Variants in KANK4 observed in about 807,000 individuals in gnomAD.
KANK4 encodes the protein KN motif and ankyrin repeat domain-containing protein 4.
KANK4 carries 50 observed loss-of-function variants against 80.8 expected under a neutral mutation model. The observed-to-expected ratio is 0.62, with a 90% CI of 0.49 to 0.78. The LOEUF is 0.78. Among genes scored for constraint, KANK4 ranks in the 30% least tolerant of loss-of-function variants. The probability of loss-of-function intolerance (pLI) is 0.00; values close to 1 mark genes in which losing one functional copy is unlikely to be tolerated. For synonymous variants in KANK4, 465 were observed against 506.9 expected (o/e 0.92, Z 1.11); for missense variants, 1,196 against 1,240.1 (o/e 0.96, Z 0.53).
intron 2 of KANK4, among the ~76,000 whole-genome samples, chr1:62,280,746 C>T (rs189344713): frequency 1.5e-4 from 23 of 152,242 alleles, no homozygotes; most frequent in Middle Eastern, 3.4e-3. Flanking sequence ...CCATGCATTA[C>T]GTAATTTAGT....
chr1:62,303,376 T>C (rs558339021), intron 1 of KANK4, among the ~76,000 whole-genome samples: 44 of 151,968 alleles, frequency 2.9e-4, no homozygotes, highest in African/African-American at 9.2e-4. Flanking sequence ...AGGGGCGGTA[T>C]TTTCAACATC....
intron 1 of KANK4, among the ~76,000 whole-genome samples, chr1:62,290,264 C>T (rs571107001): frequency 9.2e-5 from 14 of 152,308 alleles, no homozygotes; most frequent in African/African-American, 3.4e-4. Flanking sequence ...TTCCAAACCC[C>T]TCCCTAGAGG....
At chr1:62,276,692 G>A (rs1262026493) in intron 2 of KANK4, among the ~76,000 whole-genome samples, 1 of 151,626 alleles carries the variant, frequency 6.6e-6, no homozygotes, top group Non-Finnish European at 1.5e-5. Context: ...CGGGAGAATC[G>A]CTTGAACCCA....
intron 1 of KANK4, among the ~76,000 whole-genome samples, chr1:62,287,041 G>C (rs1370698794): frequency 2.0e-5 from 3 of 152,186 alleles, no homozygotes; most frequent in Non-Finnish European, 4.4e-5. Context: ...CAGAGACTCC[G>C]AGAGGCGGGG....
chr1:62,246,976 G>A (rs574528826), intron 9 of KANK4, among the ~76,000 whole-genome samples: 21 of 152,126 alleles, frequency 1.4e-4, no homozygotes, highest in African/African-American at 5.1e-4. Context: ...GGCCAGGCCG[G>A]TCTCAAACTC....
At chr1:62,298,138 CTTTT>C (rs1396965646) in intron 1 of KANK4, 3 of 152,046 alleles carry the variant, frequency 2.0e-5, no homozygotes, top group East Asian at 1.9e-4. Context: ...ATCTGTGGGG[CTTTT>C]TCTTTTTTAA....
At chr1:62,239,339 T>C (rs1378356086) in intron 9 of KANK4, among the ~76,000 whole-genome samples, 2 of 152,220 alleles carry the variant, frequency 1.3e-5, no homozygotes, top group African/African-American at 4.8e-5. Context: ...TTATAATGCA[T>C]GATTTTTCTT....
intron 7 of KANK4, among the ~76,000 whole-genome samples, chr1:62,257,788 A>G (rs112690021): frequency 6.6e-6 from 1 of 152,134 alleles, no homozygotes; most frequent in Non-Finnish European, 1.5e-5. Flanking sequence ...CTATTTAGCT[A>G]TTTCACTATG....
intron 9 of KANK4, among the ~76,000 whole-genome samples, chr1:62,242,183 G>A (rs984412085): frequency 2.6e-5 from 4 of 151,954 alleles, no homozygotes; most frequent in South Asian, 4.2e-4. Context: ...CAAAATTTGC[G>A]TGTAACTTCA....
chr1:62,260,294 C>G (rs981966291), intron 7 of KANK4, among the ~76,000 whole-genome samples: 5 of 151,818 alleles, frequency 3.3e-5, no homozygotes, highest in African/African-American at 1.2e-4. Flanking sequence ...CCTTCTCTCT[C>G]TCTGATTCTC....
chr1:62,298,377 A>G (rs1418668925), intron 1 of KANK4: 1 of 152,184 alleles, frequency 6.6e-6, no homozygotes, highest in East Asian at 1.9e-4. Context: ...TTGTTTCTCA[A>G]ACTGTAGTAT....
intron 1 of KANK4, among the ~76,000 whole-genome samples, chr1:62,304,497 A>G (rs1644435740): frequency 6.6e-6 from 1 of 151,930 alleles, no homozygotes; most frequent in African/African-American, 2.4e-5. Context: ...CCTGCTTCCA[A>G]TCCAGGATTC....
intron 9 of KANK4, among the ~76,000 whole-genome samples, chr1:62,241,928 C>T (rs573725307): frequency 1.3e-5 from 2 of 152,312 alleles, no homozygotes; most frequent in African/African-American, 2.4e-5. Flanking sequence ...GGACAGCCTG[C>T]AGCTGTGGAC....
intron 5 of KANK4, 78 bp downstream of exon 5, chr1:62,268,209 G>T: frequency 8.9e-6 from 10 of 1,121,038 alleles, no homozygotes; most frequent in East Asian, 2.4e-5. Flanking sequence ...ATGAACAAAT[G>T]ATCGCATGAA....
chr1:62,274,173 G>C lies in KANK4; in HGVS notation c.931C>G (p.Pro311Ala). The change falls in exon 3 of 10, where the codon CCA (proline) becomes GCA (alanine). Residue 311 changes from proline to alanine, a missense_variant. Pro to Ala is a conservative substitution (Grantham distance 27). Coordinates refer to ENST00000371153, the MANE Select transcript of KANK4 (RefSeq NM_181712.5). ...EEIELNISEI[P>A]PPPPVEVDMR... ...TCCACCTCTACAGGTGGCGGGGGTG[G>C]AATCTCGCTGATGTTGAGCTCGATT... The C allele has an allele frequency of 6.2e-7, 1 of 1,614,188 alleles. No individual in the cohort carries two copies. Among genetic ancestry groups the C allele is most frequent in the South Asian group, 1.1e-5 (1 of 91,080 alleles).
chr1:62,281,745 G>T, intron 1 of KANK4, 111 bp from the exon 2 acceptor site: 1 of 728,538 alleles, frequency 1.4e-6, no homozygotes, highest in Non-Finnish European at 2.4e-6. Context: ...CTCCCAGGGT[G>T]CCCATGAGCT....
chr1:62,250,885 G>A (rs1170149197), intron 8 of KANK4, among the ~76,000 whole-genome samples: 3 of 152,200 alleles, frequency 2.0e-5, no homozygotes, highest in African/African-American at 7.2e-5. Flanking sequence ...ATGCAACGGT[G>A]ACTTTGCCAT....
At chr1:62,249,954 T>G (rs1381764050) in intron 8 of KANK4, among the ~76,000 whole-genome samples, 2 of 152,066 alleles carry the variant, frequency 1.3e-5, no homozygotes, top group African/African-American at 2.4e-5. Context: ...ATTACAGGCA[T>G]GAGCCACCGT....
At chr1:62,259,994 T>C (rs928504389) in intron 7 of KANK4, among the ~76,000 whole-genome samples, 1 of 152,132 alleles carries the variant, frequency 6.6e-6, no homozygotes, top group Admixed American at 6.6e-5. Context: ...CTGTCTTTGA[T>C]TGACTGTTAA....
Sources: gnomAD v4.1 joint callset for allele counts (sites outside exome capture counted in the v4.1 genomes callset) on GRCh38, gnomAD v4.1.1 for gene constraint, MANE v1.5 for transcripts, NCBI Gene and HGNC (gene_info 2026-07-23, HGNC 2026-07-21) for gene names.